WNT9B: variants seen among roughly 807,000 people sequenced by gnomAD.
WNT9B encodes Wnt family member 9B.
Under a neutral mutation model 30.2 loss-of-function variants are expected in WNT9B, and 12 were observed. That is an observed-to-expected ratio of 0.40 (90% CI 0.26 to 0.64). WNT9B has a LOEUF of 0.64. WNT9B is among the 30% of genes least tolerant of loss of function. The probability of loss-of-function intolerance (pLI) is 0.42; values close to 1 mark genes in which losing one functional copy is unlikely to be tolerated. For missense variants in WNT9B, 442 were observed against 485.2 expected, an observed-to-expected ratio of 0.91 and a Z score of 0.84; for synonymous variants, 218 against 216.9, an observed-to-expected ratio of 1.01 and a Z score of -0.05.
rs982101531 is a variant in WNT9B at position 46,875,183 on chromosome 17, C to T, written c.417C>T (p.Arg139=). 6 of 1,613,962 alleles carry T rather than the reference C, an allele frequency of 3.7e-6. No homozygotes were observed. The African/African-American group carries it at 8.0e-5, about 22-fold the overall frequency. ...TGGCCCGGGCCTGCAGCGCTGGGCG[C>T]ATGGAGCGCTGCACCTGTGATGACT... ...HTLARACSAG[R]MERCTCDDSP... Residue 139 remains arginine, a synonymous_variant, in exon 3 of 4, where the codon CGC becomes CGT. Transcript: ENST00000290015.
At position 46,876,305 on chromosome 17, in the gene WNT9B, G is replaced by T; in HGVS notation, c.661G>T (p.Val221Leu). 6.2e-7 allele frequency: 1 copy of T among 1,614,186 alleles called. No individual in the cohort carries two copies. The highest frequency in any genetic ancestry group is 8.5e-7 in the Non-Finnish European group (1 of 1,180,032). Residue 221 changes from valine to leucine, a missense_variant, in exon 4 of 4, where the codon GTG (valine) becomes TTG (leucine). Physicochemically the swap from Val to Leu is conservative, Grantham distance 32 (BLOSUM62 1). Coordinates refer to ENST00000290015, the MANE Select transcript of WNT9B (RefSeq NM_003396.3). Reference protein sequence around the residue: ...KCHGVSGSCAVRTCWKQLSPF... With the variant: ...KCHGVSGSCALRTCWKQLSPF... ...CCATGGCGTATCAGGCTCCTGTGCC[G>T]TGCGCACCTGCTGGAAGCAGCTCTC...
chr17:46,874,873 C>T, intron 2 of WNT9B: 1 of 680,012 alleles, frequency 1.5e-6, no homozygotes, highest in Non-Finnish European at 2.6e-6. Context: ...CCACTGTGCC[C>T]AGCCTGGAAG....
In WNT9B at chr17:46,879,178, A is replaced by T. The variant is rs1357365572; in HGVS notation, c.*2460A>T. ...ATTATTTATATAGTTGCTATATTTCACAGACAGCACAGGTGGGGTTTGTGT... is the reference window on the plus strand; with the variant it reads ...ATTATTTATATAGTTGCTATATTTCTCAGACAGCACAGGTGGGGTTTGTGT... On this transcript the variant is annotated 3_prime_UTR_variant, in exon 4 of 4. Transcript: ENST00000290015. Among the ~76,000 whole-genome samples, 1 of 152,216 alleles carries T rather than the reference A, an allele frequency of 6.6e-6. No individual in the cohort carries two copies. Among genetic ancestry groups the T allele is most frequent in the African/African-American group, 2.4e-5 (1 of 41,458 alleles).
At chr17:46,847,991 TGTGTGC>T (rs1324590238), upstream of WNT9B, among the ~76,000 whole-genome samples, 4 of 142,520 alleles carry the variant, frequency 2.8e-5, no homozygotes, top group African/African-American at 1.0e-4. Flanking sequence ...TGTGTGTGTG[TGTGTGC>T]ACGTGCATGT....
intron 1 of WNT9B, among the ~76,000 whole-genome samples, chr17:46,862,670 C>A (rs561550357): frequency 6.6e-6 from 1 of 152,268 alleles, no homozygotes; most frequent in South Asian, 2.1e-4. Flanking sequence ...ACAACCTCTG[C>A]CTCCCAGGTT....
chr17:46,851,840 A>C lies in WNT9B; in HGVS notation c.77+125A>C. On this transcript the variant is annotated intron_variant, in intron 1 of 3. Transcript: ENST00000290015. This position sits in a 1 kb window ranked among gnomAD's most constrained non-coding sequence, Gnocchi z 4.3. ...CGCCGAGGTCTCGAACTCAGACCCT[A>C]GCCCGGCGCGACCCAACCCACTTCG... is the stretch of plus-strand genomic sequence containing the variant. 4.4e-6 allele frequency: 2 copies of C among 449,972 alleles called. No homozygotes were observed. The highest frequency in any genetic ancestry group is 7.1e-6 in the Non-Finnish European group (2 of 280,102). 27.9% of individuals were successfully genotyped at this position (449,972 alleles called of 1,614,324 possible).
At chr17:46,872,042 C>G (rs1157581141) in intron 1 of WNT9B, among the ~76,000 whole-genome samples, 1 of 152,158 alleles carries the variant, frequency 6.6e-6, no homozygotes, top group African/African-American at 2.4e-5. Flanking sequence ...ATCCCCTCTG[C>G]CTGCCCCCTC....
Position 46,878,223 on chromosome 17 carries a change from A to C in WNT9B, c.*1505A>C, listed in dbSNP as rs2085375424. Among the ~76,000 whole-genome samples, 1 of 152,200 alleles carries C rather than the reference A, an allele frequency of 6.6e-6. No individual in the cohort carries two copies. The highest frequency in any genetic ancestry group is 2.4e-5 in the African/African-American group (1 of 41,454). On this transcript the variant is annotated 3_prime_UTR_variant, in exon 4 of 4. Coordinates refer to ENST00000290015, the MANE Select transcript of WNT9B (RefSeq NM_003396.3). ...CCTTGGCCACTTTGCTGGCCCTGCC[A>C]CGCCCATCTGTCAGCTTCCTTTCTC...
rs1374810569 is a variant in WNT9B, at chr17:46,877,363, C to T, written c.*645C>T. On this transcript the variant is annotated 3_prime_UTR_variant, in exon 4 of 4. Coordinates refer to ENST00000290015, the MANE Select transcript of WNT9B (RefSeq NM_003396.3). The stretch of plus-strand genomic sequence containing the variant: ...CCGAGTGAGATCTGTGCCCTGGAGC[C>T]CTGTGTCCTTGATTTGGCTTTTCAA... 6.6e-6 allele frequency among the ~76,000 whole-genome samples: 1 copy of T among 152,162 alleles called. No individual in the cohort carries two copies. The highest frequency in any genetic ancestry group is 2.4e-5 in the African/African-American group (1 of 41,448).
At chr17:46,869,011 C>T (rs2085191398) in intron 1 of WNT9B, among the ~76,000 whole-genome samples, 1 of 152,186 alleles carries the variant, frequency 6.6e-6, no homozygotes, top group East Asian at 1.9e-4. Flanking sequence ...CAAACTGCAA[C>T]ACAGAAAATA....
At position 46,857,289 on chromosome 17, in the gene WNT9B, T is replaced by C. The variant is rs1395248764; in HGVS notation, c.77+5574T>C. ...TTCGAGACCAGCCTGGCCAACATGG[T>C]GAAAACCCATCTCTACTAAAATTAC... On this transcript the variant is annotated intron_variant, in intron 1 of 3. Transcript: ENST00000290015. 2.6e-5 allele frequency among the ~76,000 whole-genome samples: 4 copies of C among 151,820 alleles called. No individual in the cohort carries two copies. The East Asian group carries it at 5.8e-4, about 22-fold the overall frequency.
intron 1 of WNT9B, among the ~76,000 whole-genome samples, chr17:46,839,021 G>A (rs1204369264): frequency 6.6e-6 from 1 of 152,096 alleles, no homozygotes; most frequent in Non-Finnish European, 1.5e-5. Flanking sequence ...GGGATTACAG[G>A]CGCCCGCCAC....
At chr17:46,838,603 G>T (rs1337255514) in intron 1 of WNT9B, among the ~76,000 whole-genome samples, 1 of 151,894 alleles carries the variant, frequency 6.6e-6, no homozygotes, top group Non-Finnish European at 1.5e-5. Context: ...CTCCAGCCTG[G>T]GCGACAGAGC....
chr17:46,847,967 AGTGT>A (rs57125736), upstream of WNT9B, among the ~76,000 whole-genome samples: 8,219 of 149,660 alleles, frequency 0.055, 399 homozygotes, highest in East Asian at 0.24. Flanking sequence ...TGATTTCCAA[AGTGT>A]GTGTGTGTGT....
chr17:46,877,544 C>T lies in WNT9B; in HGVS notation c.*826C>T, dbSNP rs563097844. On this transcript the variant is annotated 3_prime_UTR_variant, in exon 4 of 4. Coordinates refer to ENST00000290015, the MANE Select transcript of WNT9B (RefSeq NM_003396.3). ...CACCTGAGGTTGAACAGGGAGACAA[C>T]GGCCCCTCCCTGTGTTCCCTGCTGG... Among the ~76,000 whole-genome samples the T allele has an allele frequency of 3.0e-4, 46 of 152,262 alleles. No individual in the cohort carries two copies. Among genetic ancestry groups the T allele is most frequent in the East Asian group, 1.7e-3 (9 of 5,164 alleles).
Position 46,872,706 on chromosome 17 carries a change from C to T in WNT9B, c.267C>T (p.Cys89=), listed in dbSNP as rs777207961. The T allele has an allele frequency of 1.2e-6, 2 of 1,613,392 alleles. No homozygotes were observed. The highest frequency in any genetic ancestry group is 1.7e-6 in the Non-Finnish European group (2 of 1,179,950). The change falls in exon 2 of 4, where the codon TGC becomes TGT. Residue 89 remains cysteine (C), a synonymous_variant. Transcript: ENST00000290015. ...CTGCGCACCTCGGCCTGCTTGAGTG[C>T]CAGTTTCAGTTCCGGCATGAGCGCT... is the stretch of plus-strand genomic sequence containing the variant. ...RDAAHLGLLE[C]QFQFRHERWN... is the part of the protein sequence containing the mutation.
At position 46,851,691 on chromosome 17, in the gene WNT9B, C is replaced by G. The variant is rs2084848301; in HGVS notation, c.53C>G (p.Pro18Arg). Residue 18 changes from proline (P) to arginine (R), a missense_variant, in exon 1 of 4, where the codon CCC becomes CGC. By Grantham distance (103) the Pro-to-Arg change is moderately radical. Transcript: ENST00000290015. This position sits in a 1 kb window ranked among gnomAD's most constrained non-coding sequence, Gnocchi z 4.3. ...GCCGGGCTCTGCCTGCTGGCGCTGC[C>G]CGCCGCCGCCGCCTCCTACTTCGGG... ...ALAGLCLLAL[P>R]AAAASYFGLT... 7.8e-7 allele frequency: 1 copy of G among 1,290,188 alleles called. No individual in the cohort carries two copies. The highest frequency in any genetic ancestry group is 2.5e-5 in the South Asian group (1 of 40,628). 79.9% of individuals were successfully genotyped at this position (1,290,188 alleles called of 1,614,324 possible). A position where few individuals can be genotyped will look rare whatever the true frequency, so the allele number is the denominator to read the frequency against.
intron 1 of WNT9B, among the ~76,000 whole-genome samples, chr17:46,863,155 C>T (rs2085071630): frequency 6.6e-6 from 1 of 152,192 alleles, no homozygotes; most frequent in Admixed American, 6.5e-5. Flanking sequence ...CCACGCCCTC[C>T]CAAAGCCCGC....
intron 1 of WNT9B, among the ~76,000 whole-genome samples, chr17:46,862,831 G>A (rs968817502): frequency 6.6e-6 from 1 of 152,178 alleles, no homozygotes; most frequent in Non-Finnish European, 1.5e-5. Flanking sequence ...TGATCCGCCC[G>A]CCTCGGCCTC....
Sources: allele counts gnomAD v4.1 joint callset (sites outside exome capture counted in the v4.1 genomes callset), GRCh38; gene constraint gnomAD v4.1.1; non-coding constraint Gnocchi (gnomAD v3.1); transcripts MANE v1.5; gene names NCBI Gene and HGNC (gene_info 2026-07-23, HGNC 2026-07-21).